FAM13B: variants seen among roughly 807,000 people sequenced by gnomAD.
FAM13B encodes the protein family with sequence similarity 13 member B, also known as protein FAM13B.
Under a neutral mutation model 117.3 loss-of-function variants are expected in FAM13B, and 60 were observed. The observed-to-expected ratio is 0.51, with a 90% CI of 0.42 to 0.63. FAM13B has a LOEUF of 0.63. Among genes scored for constraint, FAM13B ranks in the 30% least tolerant of loss-of-function variants. FAM13B has a pLI of 0.00. For synonymous variants in FAM13B, 332 were observed against 356.1 expected, an observed-to-expected ratio of 0.93 and a Z score of 0.76; for missense variants, 972 against 1,091.9, an observed-to-expected ratio of 0.89 and a Z score of 1.55.
At chr5:137,985,146 T>C (rs1339536263) in intron 10 of FAM13B, 111 bp downstream of exon 10, 2 of 1,045,198 alleles carry the variant, frequency 1.9e-6, no homozygotes, top group Non-Finnish European at 2.8e-6. Flanking sequence ...GGATTTATAA[T>C]TGAGACAATT....
intron 17 of FAM13B, among the ~76,000 whole-genome samples, chr5:137,951,637 T>A (rs905154061): frequency 1.3e-5 from 2 of 152,150 alleles, no homozygotes; most frequent in African/African-American, 4.8e-5. Flanking sequence ...TCAACCTCGA[T>A]GACAGAGCAA....
At position 137,988,280 on chromosome 5, in the gene FAM13B, G is replaced by A; in HGVS notation, c.884C>T (p.Ser295Phe). The A allele has an allele frequency of 1.9e-6, 3 of 1,551,036 alleles. No individual in the cohort carries two copies. The highest frequency in any genetic ancestry group is 2.6e-6 in the Non-Finnish European group (3 of 1,159,888). The change falls in exon 8 of 24, where the codon TCT (serine) becomes TTT (phenylalanine). Residue 295 changes from serine to phenylalanine, a missense_variant. By Grantham distance (155) the Ser-to-Phe change is radical. Coordinates refer to ENST00000689681, the MANE Select transcript of FAM13B (RefSeq NM_001385994.1). ...CTATAAATATACTACTTACTCTGTA[G>A]AGGCTGGTAGGATGCTGATGGGAGA... ...HISPISILPA[S>F]TDILERTIRA...
At chr5:137,941,598 G>T (rs1761858461) in intron 23 of FAM13B, among the ~76,000 whole-genome samples, 1 of 152,138 alleles carries the variant, frequency 6.6e-6, no homozygotes, top group Non-Finnish European at 1.5e-5. Flanking sequence ...ACTAGTTAAG[G>T]ATACCACTCC....
chr5:138,044,824 C>A (rs1791598440), intron 1 of FAM13B, among the ~76,000 whole-genome samples: 1 of 152,078 alleles, frequency 6.6e-6, no homozygotes, highest in African/African-American at 2.4e-5. Flanking sequence ...CAAAAATAAA[C>A]TTTTTATAGG....
chr5:137,983,430 C>T (rs1254352168), intron 10 of FAM13B, among the ~76,000 whole-genome samples: 1 of 152,070 alleles, frequency 6.6e-6, no homozygotes, highest in Non-Finnish European at 1.5e-5. Flanking sequence ...AGAAAAGAGA[C>T]ACAGACAATT....
At chr5:137,994,437 A>G (rs1311491097) in intron 7 of FAM13B, among the ~76,000 whole-genome samples, 1 of 152,238 alleles carries the variant, frequency 6.6e-6, no homozygotes, top group African/African-American at 2.4e-5. Flanking sequence ...CCTGTGGGTA[A>G]AAAGCCCTGA....
chr5:138,051,502 A>T (rs1215358837), intron 1 of FAM13B, among the ~76,000 whole-genome samples: 2 of 152,222 alleles, frequency 1.3e-5, no homozygotes, highest in Non-Finnish European at 2.9e-5. Flanking sequence ...ACAATGGCAC[A>T]CGTTATTGAA....
chr5:137,961,095 T>G lies in FAM13B; in HGVS notation c.1245-881A>C, dbSNP rs571872665. ...TGAGAATAAGAAATGAACTAAATGC[T>G]CTGTTAAGCTTAAAGGCATTCCTTT... On this transcript the variant is annotated intron_variant, in intron 11 of 23. Transcript: ENST00000689681. Among the ~76,000 whole-genome samples, 36 of 152,298 alleles carry G rather than the reference T, an allele frequency of 2.4e-4. No homozygotes were observed. The South Asian group carries it at 5.2e-3, about 22-fold the overall frequency.
intron 20 of FAM13B, among the ~76,000 whole-genome samples, chr5:137,945,101 A>C (rs986431036): frequency 1.3e-5 from 2 of 152,130 alleles, no homozygotes; most frequent in African/African-American, 4.8e-5. Context: ...ATCTAAAATA[A>C]AAGTTAGGAA....
chr5:138,049,296 A>C (rs935886122), intron 1 of FAM13B, among the ~76,000 whole-genome samples: 1 of 150,148 alleles, frequency 6.7e-6, no homozygotes, highest in Non-Finnish European at 1.5e-5. Context: ...CTCAAGATAG[A>C]GTTTTGCGCT....
At chr5:137,982,034 T>C (rs1412026379) in intron 10 of FAM13B, among the ~76,000 whole-genome samples, 1 of 152,350 alleles carries the variant, frequency 6.6e-6, no homozygotes, top group Non-Finnish European at 1.5e-5. Flanking sequence ...CAATATTCCG[T>C]AGTGCCTATA....
upstream of FAM13B, among the ~76,000 whole-genome samples, chr5:138,034,349 C>A (rs570367517): frequency 6.6e-6 from 1 of 152,164 alleles, no homozygotes; most frequent in Non-Finnish European, 1.5e-5. Flanking sequence ...TCCCTGCCTT[C>A]GTGGAGTTTA....
intron 1 of FAM13B, among the ~76,000 whole-genome samples, chr5:138,038,220 G>A (rs756538239): frequency 2.6e-5 from 4 of 152,012 alleles, no homozygotes; most frequent in South Asian, 4.2e-4. Flanking sequence ...CCAAACTCTC[G>A]GTGCTGGTTT....
intron 9 of FAM13B, 126 bp from the exon 10 acceptor site, chr5:137,985,515 C>G (rs1255657646): frequency 9.2e-6 from 8 of 871,138 alleles, no homozygotes; most frequent in African/African-American, 1.7e-5. Context: ...GTACCTTTCA[C>G]AAAAATCCAC....
chr5:137,958,278 A>C (rs766093781), intron 13 of FAM13B, among the ~76,000 whole-genome samples: 3 of 152,256 alleles, frequency 2.0e-5, no homozygotes, highest in African/African-American at 4.8e-5. Context: ...CCCAGAACAA[A>C]GCAAATTAAA....
intron 7 of FAM13B, among the ~76,000 whole-genome samples, chr5:137,999,104 CT>C (rs397962950): frequency 1.4e-3 from 189 of 139,598 alleles, no homozygotes; most frequent in Admixed American, 1.4e-3. Context: ...CCTTCAGGGT[CT>C]TTTTTTTTTT....
At chr5:137,956,168 C>T (rs528693297) in intron 14 of FAM13B, among the ~76,000 whole-genome samples, 2 of 152,270 alleles carry the variant, frequency 1.3e-5, no homozygotes, top group East Asian at 1.9e-4. Context: ...GTTTTTGAAG[C>T]CCAGATCAAT....
intron 2 of FAM13B, among the ~76,000 whole-genome samples, chr5:138,020,204 G>A (rs952817995): frequency 4.6e-5 from 7 of 151,868 alleles, no homozygotes; most frequent in African/African-American, 1.7e-4. Flanking sequence ...GGGATTACAG[G>A]TGTGCGCCAC....
chr5:137,968,652 G>T lies in FAM13B; in HGVS notation c.1180-6183C>A, dbSNP rs182221572. Among the ~76,000 whole-genome samples the T allele has an allele frequency of 1.2e-3, 188 of 152,260 alleles. 4 individuals are homozygous for T. Among genetic ancestry groups the T allele is most frequent in the Middle Eastern group, 0.01 (3 of 294 alleles). Reference sequence around the variant, plus strand: ...GGCTCTGGTCTACAGCTCCCAGCGTGAGCGACGCAAAAGACGGGTGATTTC... The same window carrying T: ...GGCTCTGGTCTACAGCTCCCAGCGTTAGCGACGCAAAAGACGGGTGATTTC... On this transcript the variant is annotated intron_variant, in intron 10 of 23. Transcript: ENST00000689681.
Sources: allele counts gnomAD v4.1 joint callset (sites outside exome capture counted in the v4.1 genomes callset), GRCh38; gene constraint gnomAD v4.1.1; transcripts MANE v1.5; gene names NCBI Gene and HGNC (gene_info 2026-07-23, HGNC 2026-07-21).